Variants in CNTN6 observed in about 807,000 individuals in gnomAD.
CNTN6 encodes the protein contactin 6.
CNTN6 carries 137 observed loss-of-function variants against 122.8 expected under a neutral mutation model. The observed-to-expected ratio is 1.12, with a 90% CI of 0.97 to 1.29. CNTN6 has a LOEUF of 1.29. CNTN6 is among the 50% of genes most tolerant of loss of function. The pLI, the probability that CNTN6 is intolerant of heterozygous loss-of-function variation, is 0.00. For synonymous variants in CNTN6, 570 were observed against 426.0 expected, an observed-to-expected ratio of 1.34 and a Z score of -4.16; for missense variants, 1,634 against 1,223.4, an observed-to-expected ratio of 1.34 and a Z score of -5.01.
At chr3:1,338,648 C>T (rs1703442948) in intron 11 of CNTN6, among the ~76,000 whole-genome samples, 1 of 152,062 alleles carries the variant, frequency 6.6e-6, no homozygotes, top group African/African-American at 2.4e-5. Flanking sequence ...GAATGGTGTC[C>T]ACTTATTTTA....
At chr3:1,244,161 G>A (rs1222061466) in intron 4 of CNTN6, among the ~76,000 whole-genome samples, 1 of 152,128 alleles carries the variant, frequency 6.6e-6, no homozygotes, top group Non-Finnish European at 1.5e-5. Context: ...AAGGTGTTTA[G>A]GTTTTAGGTC....
rs73818434 is a variant in CNTN6 at position 1,134,328 on chromosome 3, T to C, written c.-82-13599T>C. Among the ~76,000 whole-genome samples, 457 of 152,260 alleles carry C rather than the reference T, an allele frequency of 3.0e-3. 2 individuals carry two copies. The highest frequency in any genetic ancestry group is 0.011 in the African/African-American group (438 of 41,560). On this transcript the variant is annotated intron_variant, in intron 1 of 22. Coordinates refer to ENST00000446702, the MANE Select transcript of CNTN6 (RefSeq NM_001289080.2). Reference sequence around the variant, plus strand: ...CTCAACTAATGTTGCTGGTGATAGATAGTAGGGCTGTCACGGAGTCCTTTG... The same window carrying C: ...CTCAACTAATGTTGCTGGTGATAGACAGTAGGGCTGTCACGGAGTCCTTTG...
At chr3:1,183,249 A>T (rs1250727199) in intron 2 of CNTN6, among the ~76,000 whole-genome samples, 1 of 152,174 alleles carries the variant, frequency 6.6e-6, no homozygotes, top group Non-Finnish European at 1.5e-5. Flanking sequence ...AATAAAAGGC[A>T]CCTGTGAATC....
At chr3:1,105,296 T>C (rs917589853) in intron 1 of CNTN6, among the ~76,000 whole-genome samples, 1 of 152,164 alleles carries the variant, frequency 6.6e-6, no homozygotes, top group African/African-American at 2.4e-5. Context: ...GAATATTTCA[T>C]GAGTGTTTGA....
rs576771858 is a variant in CNTN6, at chr3:1,202,402, T to C, written c.56-18285T>C. Among the ~76,000 whole-genome samples, 59 of 149,030 alleles carry C rather than the reference T, an allele frequency of 4.0e-4. 1 individual carries two copies. Among genetic ancestry groups the C allele is most frequent in the South Asian group, 2.3e-3 (11 of 4,762 alleles). On this transcript the variant is annotated intron_variant, in intron 2 of 22. Transcript: ENST00000446702. ...AAAAATACAAGAAATCAGCCGGGCG[T>C]GGTGGCGGGCGCCTGTAGTCCCAGC...
At position 1,402,361 on chromosome 3, in the gene CNTN6, A is replaced by T. The variant is rs1447631177; in HGVS notation, c.2861A>T (p.Glu954Val). 6.2e-7 allele frequency: 1 copy of T among 1,611,884 alleles called. No individual in the cohort carries two copies. The highest frequency in any genetic ancestry group is 8.5e-7 in the Non-Finnish European group (1 of 1,178,922). ...AGACAGAGTAAAACTCATATTTTGG[A>T]AACAAACAATACATCAGCTGAGCTT... ...QNRQSKTHIL[E>V]TNNTSAELLV... Residue 954 changes from glutamate to valine, a missense_variant, in exon 22 of 23, where the codon GAA (glutamate) becomes GTA (valine). Physicochemically the swap from Glu to Val is moderately radical, Grantham distance 121. Transcript: ENST00000446702.
chr3:1,229,844 A>T (rs1168877842), intron 4 of CNTN6, among the ~76,000 whole-genome samples: 1 of 152,146 alleles, frequency 6.6e-6, no homozygotes, highest in Non-Finnish European at 1.5e-5. Context: ...GATCTTGAAA[A>T]GCATTTCTAT....
intron 4 of CNTN6, 107 bp downstream of exon 4, chr3:1,228,100 T>G: frequency 9.9e-7 from 1 of 1,012,046 alleles, no homozygotes; most frequent in Non-Finnish European, 1.5e-6. Flanking sequence ...TGAGAATGAA[T>G]ATGACTTTAT....
chr3:1,282,011 T>C (rs896323293), intron 5 of CNTN6, among the ~76,000 whole-genome samples: 4 of 148,350 alleles, frequency 2.7e-5, no homozygotes, highest in African/African-American at 5.2e-5. Context: ...CACACACACA[T>C]AACTTTATAG....
chr3:1,379,647 T>A (rs3852034), intron 17 of CNTN6, among the ~76,000 whole-genome samples: 49,783 of 151,968 alleles, frequency 0.33, 8,580 homozygotes, highest in East Asian at 0.58. Context: ...TTTTTAAAAA[T>A]TAAACTAAAT....
chr3:1,093,379 G>C (rs566201667), intron 1 of CNTN6, among the ~76,000 whole-genome samples: 1 of 152,278 alleles, frequency 6.6e-6, no homozygotes, highest in Non-Finnish European at 1.5e-5. Flanking sequence ...AAAGACTACA[G>C]GTATATTTCT....
chr3:1,351,862 C>A (rs1705694689), intron 11 of CNTN6, among the ~76,000 whole-genome samples: 1 of 151,818 alleles, frequency 6.6e-6, no homozygotes, highest in Admixed American at 6.6e-5. Context: ...GGTTCAACAC[C>A]CCATTCTGTG....
intron 2 of CNTN6, among the ~76,000 whole-genome samples, chr3:1,195,896 G>T (rs533948621): frequency 6.6e-6 from 1 of 151,996 alleles, no homozygotes; most frequent in African/African-American, 2.4e-5. Context: ...CAGCCAAAGA[G>T]AAGTTTTTTT....
chr3:1,194,111 T>C (rs554576635), intron 2 of CNTN6, among the ~76,000 whole-genome samples: 3 of 151,312 alleles, frequency 2.0e-5, no homozygotes, highest in Non-Finnish European at 4.4e-5. Flanking sequence ...ACAAATCCAG[T>C]AGAAATTATA....
chr3:1,115,582 T>C (rs2091684392), intron 1 of CNTN6, among the ~76,000 whole-genome samples: 1 of 152,026 alleles, frequency 6.6e-6, no homozygotes, highest in Admixed American at 6.6e-5. Flanking sequence ...ATCCCGTGTC[T>C]ACTAAAAATC....
At chr3:1,275,075 A>C (rs537956705) in intron 4 of CNTN6, among the ~76,000 whole-genome samples, 3 of 152,224 alleles carry the variant, frequency 2.0e-5, no homozygotes, top group East Asian at 3.9e-4. Flanking sequence ...GTTTTGTTTT[A>C]ATTTCTCTTT....
chr3:1,093,298 G>A (rs903104230), intron 1 of CNTN6, among the ~76,000 whole-genome samples, 178 bp downstream of exon 1: 1 of 152,136 alleles, frequency 6.6e-6, no homozygotes, highest in African/African-American at 2.4e-5. Flanking sequence ...TGTTTAAAAT[G>A]CATTTATTCC....
chr3:1,282,206 C>T (rs1013864889), intron 5 of CNTN6, among the ~76,000 whole-genome samples: 1 of 152,128 alleles, frequency 6.6e-6, no homozygotes, highest in Admixed American at 6.5e-5. Flanking sequence ...ATAGAGCTGT[C>T]CTTTCTTCTG....
At chr3:1,389,580 T>G (rs542136274) in intron 20 of CNTN6, among the ~76,000 whole-genome samples, 5 of 152,272 alleles carry the variant, frequency 3.3e-5, no homozygotes, top group African/African-American at 1.2e-4. Context: ...ACTTTAAATG[T>G]AAATGGACTA....
Sources: gnomAD v4.1 joint callset for allele counts (sites outside exome capture counted in the v4.1 genomes callset) on GRCh38, gnomAD v4.1.1 for gene constraint, MANE v1.5 for transcripts, NCBI Gene and HGNC (gene_info 2026-07-23, HGNC 2026-07-21) for gene names.